Variants in TRPC4 observed in about 807,000 individuals in gnomAD.
TRPC4 encodes short transient receptor potential channel 4.
Under a neutral mutation model 99.4 loss-of-function variants are expected in TRPC4, and 49 were observed. The observed-to-expected ratio is 0.49, with a 90% CI of 0.39 to 0.63. The LOEUF (loss-of-function observed/expected upper bound fraction) is 0.63, where lower values mean the gene tolerates loss of function less well. Ranked by LOEUF, TRPC4 falls within the 20% of genes least tolerant of loss-of-function variation. TRPC4 has a pLI of 0.00. For synonymous variants in TRPC4, 454 were observed against 425.9 expected, an observed-to-expected ratio of 1.07 and a Z score of -0.81; for missense variants, 898 against 1,152.9, an observed-to-expected ratio of 0.78 and a Z score of 3.20.
At chr13:37,814,209 C>G (rs1347002978) in intron 1 of TRPC4, among the ~76,000 whole-genome samples, 1 of 151,666 alleles carries the variant, frequency 6.6e-6, no homozygotes, top group Non-Finnish European at 1.5e-5. Context: ...GGAAAACACA[C>G]AGCTAAAATC....
At chr13:37,790,475 A>G (rs1957088972) in intron 1 of TRPC4, among the ~76,000 whole-genome samples, 1 of 152,180 alleles carries the variant, frequency 6.6e-6, no homozygotes, top group African/African-American at 2.4e-5. Context: ...AAGATTGTAA[A>G]CCAATAACCA....
chr13:37,758,610 T>G (rs568966534), intron 2 of TRPC4, among the ~76,000 whole-genome samples: 19 of 151,904 alleles, frequency 1.3e-4, no homozygotes, highest in Admixed American at 3.9e-4. Flanking sequence ...TTTGGCAAAT[T>G]ACATGGTCAT....
chr13:37,840,922 G>A (rs1958714020), intron 1 of TRPC4, among the ~76,000 whole-genome samples: 1 of 151,952 alleles, frequency 6.6e-6, no homozygotes, highest in Non-Finnish European at 1.5e-5. Flanking sequence ...CAAATTCAGT[G>A]TCATTCCTAA....
chr13:37,722,989 G>C (rs1245284145), intron 3 of TRPC4, among the ~76,000 whole-genome samples: 2 of 152,138 alleles, frequency 1.3e-5, no homozygotes, highest in Non-Finnish European at 2.9e-5. Context: ...CGGGTGGGGA[G>C]GAAGTGTTGA....
intron 10 of TRPC4, 111 bp downstream of exon 10, chr13:37,638,929 A>G: frequency 9.0e-7 from 1 of 1,113,046 alleles, no homozygotes; most frequent in Non-Finnish European, 1.3e-6. Flanking sequence ...CAGAAGCCAC[A>G]CAGGCTTGCT....
At chr13:37,866,516 G>A (rs17273171) in intron 1 of TRPC4, among the ~76,000 whole-genome samples, 25,716 of 151,492 alleles carry the variant, frequency 0.17, 2,205 homozygotes, top group Non-Finnish European at 0.18. Context: ...TTTTCAATGC[G>A]CATGCCTTTA....
At chr13:37,738,795 TAAGA>T (rs1237835952) in intron 3 of TRPC4, among the ~76,000 whole-genome samples, 3 of 152,096 alleles carry the variant, frequency 2.0e-5, no homozygotes. Context: ...CGGTGGGCAT[TAAGA>T]AAGGTAAAAC....
intron 3 of TRPC4, among the ~76,000 whole-genome samples, chr13:37,727,659 GTGAGAC>G (rs1955107291): frequency 6.6e-6 from 1 of 151,950 alleles, no homozygotes; most frequent in South Asian, 2.1e-4. Context: ...CAAACTTTCA[GTGAGAC>G]TGACTAAAAT....
intron 3 of TRPC4, among the ~76,000 whole-genome samples, chr13:37,715,107 G>T (rs1318985128): frequency 6.6e-6 from 1 of 152,184 alleles, no homozygotes; most frequent in Non-Finnish European, 1.5e-5. Context: ...ATTTGCAGGA[G>T]TTTCATGGTC....
chr13:37,697,403 TA>T (rs1953943007), intron 3 of TRPC4, among the ~76,000 whole-genome samples: 4 of 152,212 alleles, frequency 2.6e-5, no homozygotes, highest in Non-Finnish European at 5.9e-5. Flanking sequence ...ATTTGTTAGT[TA>T]AGCCTGAAAT....
intron 1 of TRPC4, among the ~76,000 whole-genome samples, chr13:37,865,790 A>G (rs1013910781): frequency 2.6e-5 from 4 of 151,798 alleles, no homozygotes; most frequent in African/African-American, 9.7e-5. Context: ...AAAATTTGAT[A>G]TACTTCAAAT....
In TRPC4 at chr13:37,636,166, G is replaced by A. The variant is rs1363787171; in HGVS notation, c.*737C>T. On this transcript the variant is annotated 3_prime_UTR_variant, in exon 11 of 11. Transcript: ENST00000379705. Reference sequence around the variant, plus strand: ...TAAAGACTCATATTTATACTGATAAGCAGTTGAATCTGAAATAGGTAATTA... The same window carrying A: ...TAAAGACTCATATTTATACTGATAAACAGTTGAATCTGAAATAGGTAATTA... Among the ~76,000 whole-genome samples, 2 of 151,842 alleles carry A rather than the reference G, an allele frequency of 1.3e-5. No individual in the cohort carries two copies. Among genetic ancestry groups the A allele is most frequent in the Non-Finnish European group, 2.9e-5 (2 of 67,946 alleles).
intron 2 of TRPC4, among the ~76,000 whole-genome samples, chr13:37,781,313 T>G (rs901419118): frequency 1.3e-5 from 2 of 152,234 alleles, no homozygotes; most frequent in African/African-American, 4.8e-5. Context: ...AAAACATCTG[T>G]CTTATGGTTG....
chr13:37,775,060 A>G (rs1196740789), intron 2 of TRPC4, among the ~76,000 whole-genome samples: 1 of 151,768 alleles, frequency 6.6e-6, no homozygotes, highest in Non-Finnish European at 1.5e-5. Context: ...AGAGGGCTCT[A>G]ATAAAATGAC....
intron 2 of TRPC4, among the ~76,000 whole-genome samples, chr13:37,771,636 G>T (rs1258865022): frequency 1.3e-5 from 2 of 151,344 alleles, no homozygotes; most frequent in Non-Finnish European, 3.0e-5. Flanking sequence ...TGATTGGTAA[G>T]ATTCATTTTA....
intron 6 of TRPC4, 82 bp from the exon 7 acceptor site, chr13:37,655,365 T>TTATA (rs61181512): frequency 0.099 from 36,704 of 369,258 alleles, 2,020 homozygotes; most frequent in East Asian, 0.23. Context: ...CTTGGCATGA[T>TTATA]TATATATATA....
At chr13:37,785,405 G>T (rs1465327435) in intron 1 of TRPC4, among the ~76,000 whole-genome samples, 2 of 151,886 alleles carry the variant, frequency 1.3e-5, no homozygotes, top group Non-Finnish European at 2.9e-5. Flanking sequence ...AATAATGACT[G>T]GTATTTATAT....
chr13:37,770,527 C>G (rs1379040946), intron 2 of TRPC4, among the ~76,000 whole-genome samples: 1 of 151,470 alleles, frequency 6.6e-6, no homozygotes, highest in African/African-American at 2.4e-5. Context: ...ATATTACCAC[C>G]AAGCCAAGCA....
chr13:37,740,876 C>A (rs776743436), intron 3 of TRPC4, among the ~76,000 whole-genome samples: 6 of 152,152 alleles, frequency 3.9e-5, no homozygotes, highest in Non-Finnish European at 8.8e-5. Context: ...TCCCCCAAGA[C>A]TGGATAAACA....
Sources: gnomAD v4.1 joint callset for allele counts (sites outside exome capture counted in the v4.1 genomes callset) on GRCh38, gnomAD v4.1.1 for gene constraint, MANE v1.5 for transcripts, NCBI Gene and HGNC (gene_info 2026-07-23, HGNC 2026-07-21) for gene names.